PRKCB: variants seen among roughly 807,000 people sequenced by gnomAD.
PRKCB encodes the protein protein kinase C beta.
PRKCB carries 13 observed loss-of-function variants against 81.5 expected under a neutral mutation model. The ratio of observed to expected loss-of-function variants is 0.16; its 90% CI spans 0.10 to 0.25. The LOEUF is 0.25. Among genes scored for constraint, PRKCB ranks in the 10% least tolerant of loss-of-function variants. The pLI, the probability that PRKCB is intolerant of heterozygous loss-of-function variation, is 1.00. For synonymous variants in PRKCB, 335 were observed against 321.4 expected, an observed-to-expected ratio of 1.04 and a Z score of -0.45; for missense variants, 509 against 875.7, an observed-to-expected ratio of 0.58 and a Z score of 5.29.
chr16:24,168,516 T>C (rs1967381156), intron 10 of PRKCB, among the ~76,000 whole-genome samples: 1 of 151,220 alleles, frequency 6.6e-6, no homozygotes, highest in East Asian at 1.9e-4. Flanking sequence ...ATTTCATCAT[T>C]TCATTATTTT....
At chr16:23,977,301 G>A (rs2141809264) in intron 2 of PRKCB, among the ~76,000 whole-genome samples, 1 of 152,236 alleles carries the variant, frequency 6.6e-6, no homozygotes, top group East Asian at 1.9e-4. Context: ...AGGTGGTGGA[G>A]GTGCGTTCAG....
intron 2 of PRKCB, among the ~76,000 whole-genome samples, chr16:23,942,412 G>T (rs987867975): frequency 1.3e-5 from 2 of 152,264 alleles, no homozygotes; most frequent in Non-Finnish European, 1.5e-5. Flanking sequence ...TGCACAGTTA[G>T]GTTCTCACCA....
intron 15 of PRKCB, among the ~76,000 whole-genome samples, chr16:24,188,392 G>A (rs927328038): frequency 6.6e-6 from 1 of 152,142 alleles, no homozygotes; most frequent in African/African-American, 2.4e-5. Context: ...CTGTCTACAT[G>A]GCTTCGGGCA....
In PRKCB at chr16:23,836,200, C is replaced by T. The variant is rs575795787; in HGVS notation, c.25C>T (p.Pro9Ser). 6 of 1,571,006 alleles carry T rather than the reference C, an allele frequency of 3.8e-6. No individual in the cohort carries two copies. Among genetic ancestry groups the T allele is most frequent in the Middle Eastern group, 1.8e-4 (1 of 5,512 alleles). ...GATGGCTGACCCGGCTGCGGGGCCG[C>T]CGCCGAGCGAGGGCGAGGAGAGCAC... Reference protein sequence around the residue: MADPAAGPPPSEGEESTVR... With the variant: MADPAAGPSPSEGEESTVR... The change falls in exon 1 of 17, where the codon CCG becomes TCG. Residue 9 changes from proline (P) to serine (S), a missense_variant. Pro to Ser is a moderately conservative substitution (Grantham distance 74). Coordinates refer to ENST00000643927, the MANE Select transcript of PRKCB (RefSeq NM_002738.7).
intron 5 of PRKCB, among the ~76,000 whole-genome samples, chr16:24,058,912 TGAAA>T (rs58801615): frequency 0.31 from 47,326 of 151,516 alleles, 8,831 homozygotes; most frequent in African/African-American, 0.52. Context: ...ATGGAGGAGA[TGAAA>T]CATACATGAA....
At position 23,899,808 on chromosome 16, in the gene PRKCB, AATTTATTTATTTATTTATTTATTT is replaced by A. The variant is rs200198656; in HGVS notation, c.205+62438_205+62461del. ...ACGTGCCACCAGGCCCAGCAAATAA[AATTTATTTATTTATTTATTTATTT>A]ATTTATTTATTTATTTATTTATTTA... On this transcript the variant is annotated intron_variant, in intron 2 of 16. Transcript: ENST00000643927. 5.0e-3 allele frequency among the ~76,000 whole-genome samples: 190 copies of A among 38,344 alleles called. 54 individuals carry two copies. Among genetic ancestry groups the A allele is most frequent in the African/African-American group, 0.011 (142 of 13,510 alleles). The allele number at this position is 38,344 out of a possible 152,430, so 25.2% of individuals were successfully genotyped here. A position where few individuals can be genotyped will look rare whatever the true frequency, so the allele number is the denominator to read the frequency against.
chr16:24,217,256 G>A lies in PRKCB; in HGVS notation c.*2440G>A. The A allele has an allele frequency of 1.0e-6, 1 of 985,358 alleles. No individual in the cohort carries two copies. The highest frequency in any genetic ancestry group is 1.2e-6 in the Non-Finnish European group (1 of 829,886). 61.0% of individuals were successfully genotyped at this position (985,358 alleles called of 1,614,324 possible). On this transcript the variant is annotated 3_prime_UTR_variant, in exon 17 of 17. Coordinates refer to ENST00000643927, the MANE Select transcript of PRKCB (RefSeq NM_002738.7). Reference sequence around the variant, plus strand: ...TTATTTTTCAAAAGTTTAATAGTTTGCAGAAATAGATACTCAAGCCAAAGT... The same window carrying A: ...TTATTTTTCAAAAGTTTAATAGTTTACAGAAATAGATACTCAAGCCAAAGT...
intron 2 of PRKCB, among the ~76,000 whole-genome samples, chr16:23,936,991 G>A (rs957395568): frequency 2.0e-5 from 3 of 152,182 alleles, no homozygotes; most frequent in African/African-American, 7.2e-5. Context: ...GTAGCAGGCA[G>A]CTCTGCTTCT....
In PRKCB at chr16:24,021,151, T is replaced by G. The variant is rs919322216; in HGVS notation, c.289-10985T>G. On this transcript the variant is annotated intron_variant, in intron 3 of 16. Transcript: ENST00000643927. ...TTTCCTTCCTTCCTTCCTTCTTTCT[T>G]TTCCTCCCTCCCTCTCTCCCTCCCT... Among the ~76,000 whole-genome samples, 4 of 142,006 alleles carry G rather than the reference T, an allele frequency of 2.8e-5. No individual in the cohort carries two copies. The East Asian group carries it at 8.2e-4, about 29-fold the overall frequency. The allele number at this position is 142,006 out of a possible 152,430, so 93.2% of individuals were successfully genotyped here.
At position 24,190,582 on chromosome 16, in the gene PRKCB, C is replaced by T. The variant is rs540920220; in HGVS notation, c.1723-508C>T. On this transcript the variant is annotated intron_variant, in intron 15 of 16. Coordinates refer to ENST00000643927, the MANE Select transcript of PRKCB (RefSeq NM_002738.7). ...CGCCAGACTGTAGAGTGCAGTGGCG[C>T]GATCTCAGCTCACTGCAACCTCCGC... 4.1e-5 allele frequency among the ~76,000 whole-genome samples: 6 copies of T among 147,858 alleles called. No individual in the cohort carries two copies. In the East Asian group the frequency reaches 8.0e-4, roughly 20 times the overall value.
At chr16:23,930,307 C>A (rs2005671) in intron 2 of PRKCB, among the ~76,000 whole-genome samples, 146,761 of 152,124 alleles carry the variant, frequency 0.96, 70,877 homozygotes, top group East Asian at 1. Flanking sequence ...GGTGGCTCAC[C>A]CCTATAATCC....
At chr16:23,942,064 T>C (rs989582541) in intron 2 of PRKCB, among the ~76,000 whole-genome samples, 1 of 152,246 alleles carries the variant, frequency 6.6e-6, no homozygotes, top group African/African-American at 2.4e-5. Flanking sequence ...TTACAAAACA[T>C]GTCAACCAAA....
At position 23,882,012 on chromosome 16, in the gene PRKCB, T is replaced by TTCTTTC. The variant is rs1163914139; in HGVS notation, c.205+44608_205+44613dup. ...TTTCTTTCTTTCTTTCTTTCTTTCT[T>TTCTTTC]TCTTTCTTTCTTCCTTCCTTCCTTC... On this transcript the variant is annotated intron_variant, in intron 2 of 16. Transcript: ENST00000643927. Among the ~76,000 whole-genome samples the TTCTTTC allele has an allele frequency of 3.0e-4, 31 of 101,962 alleles. 2 individuals carry two copies. Among genetic ancestry groups the TTCTTTC allele is most frequent in the African/African-American group, 4.5e-4 (12 of 26,472 alleles). 66.9% of individuals were successfully genotyped at this position (101,962 alleles called of 152,430 possible).
chr16:23,913,821 C>T (rs1231592973), intron 2 of PRKCB, among the ~76,000 whole-genome samples: 2 of 152,102 alleles, frequency 1.3e-5, no homozygotes, highest in East Asian at 1.9e-4. Context: ...CTGTATGCTC[C>T]ACGAAAGGAA....
intron 16 of PRKCB, among the ~76,000 whole-genome samples, chr16:24,194,437 AAC>A: frequency 6.6e-6 from 1 of 152,324 alleles, no homozygotes; most frequent in South Asian, 2.1e-4. Flanking sequence ...GGGCAAATAA[AAC>A]ACACCCACAC....
rs563168775 is a variant in PRKCB, at chr16:23,891,396, G to C, written c.205+53990G>C. On this transcript the variant is annotated intron_variant, in intron 2 of 16. Coordinates refer to ENST00000643927, the MANE Select transcript of PRKCB (RefSeq NM_002738.7). Reference sequence around the variant, plus strand: ...TTACAATGTGCTTATTATTGAGTAGGGAAATTATGAGTGATGTGTGTGTAT... The same window carrying C: ...TTACAATGTGCTTATTATTGAGTAGCGAAATTATGAGTGATGTGTGTGTAT... 2.0e-5 allele frequency among the ~76,000 whole-genome samples: 3 copies of C among 152,066 alleles called. No homozygotes were observed. In the East Asian group the frequency reaches 5.8e-4, roughly 29 times the overall value.
At chr16:23,989,345 A>G (rs1266369467) in intron 3 of PRKCB, among the ~76,000 whole-genome samples, 1 of 152,070 alleles carries the variant, frequency 6.6e-6, no homozygotes, top group East Asian at 1.9e-4. Context: ...TTGGCCTCCC[A>G]AAGTGTTGGG....
intron 2 of PRKCB, among the ~76,000 whole-genome samples, chr16:23,925,051 G>T (rs370105643): frequency 1.3e-5 from 2 of 152,152 alleles, no homozygotes; most frequent in South Asian, 4.2e-4. Flanking sequence ...GTCAATATTT[G>T]ACCATTGATT....
At chr16:23,948,294 A>T (rs1171894616) in intron 2 of PRKCB, among the ~76,000 whole-genome samples, 1 of 152,194 alleles carries the variant, frequency 6.6e-6, no homozygotes, top group Non-Finnish European at 1.5e-5. Context: ...TTGGATTCTC[A>T]GGGCCTCCCA....
Sources: gnomAD v4.1 joint callset for allele counts (sites outside exome capture counted in the v4.1 genomes callset) on GRCh38, gnomAD v4.1.1 for gene constraint, MANE v1.5 for transcripts, NCBI Gene and HGNC (gene_info 2026-07-23, HGNC 2026-07-21) for gene names.